The following ASXL3 variants were observed in gnomAD, a reference collection of about 807,000 sequenced individuals.
ASXL3 encodes ASXL transcriptional regulator 3, also known as putative Polycomb group protein ASXL3.
Under a neutral mutation model 170.6 loss-of-function variants are expected in ASXL3, and 34 were observed. The ratio of observed to expected loss-of-function variants is 0.20; its 90% CI spans 0.15 to 0.27. The LOEUF (loss-of-function observed/expected upper bound fraction) is 0.27. Ranked by LOEUF, ASXL3 falls within the 10% of genes least tolerant of loss-of-function variation. ASXL3 has a pLI of 1.00. For synonymous variants in ASXL3, 1,002 were observed against 989.1 expected, an observed-to-expected ratio of 1.01 and a Z score of -0.24; for missense variants, 2,592 against 2,695.3, an observed-to-expected ratio of 0.96 and a Z score of 0.85.
intron 8 of ASXL3, among the ~76,000 whole-genome samples, chr18:33,728,935 A>G (rs568796559): frequency 6.6e-6 from 1 of 152,182 alleles, no homozygotes; most frequent in East Asian, 1.9e-4. Flanking sequence ...TTCCACCATC[A>G]TGGCTTATAT....
rs570766163 is a variant in ASXL3, at chr18:33,666,893, C to A, written c.478-3780C>A. On this transcript the variant is annotated intron_variant, in intron 5 of 11. Coordinates refer to ENST00000269197, the MANE Select transcript of ASXL3 (RefSeq NM_030632.3). Reference sequence around the variant, plus strand: ...TGACCATAATGGCTAGGCTACACGTCGTACAGTGGGACAAGGATGCTGACT... The same window carrying A: ...TGACCATAATGGCTAGGCTACACGTAGTACAGTGGGACAAGGATGCTGACT... 7.6e-4 allele frequency among the ~76,000 whole-genome samples: 116 copies of A among 152,248 alleles called. 1 individual carries two copies. The highest frequency in any genetic ancestry group is 3.4e-3 in the Middle Eastern group (1 of 294).
Position 33,746,673 on chromosome 18 carries a change from C to T in ASXL3, c.*78C>T, listed in dbSNP as rs1378774921. The T allele has an allele frequency of 4.0e-6, 6 of 1,489,778 alleles. No individual in the cohort carries two copies. The highest frequency in any genetic ancestry group is 5.3e-6 in the Non-Finnish European group (6 of 1,126,892). 92.3% of individuals were successfully genotyped at this position (1,489,778 alleles called of 1,614,324 possible). A position where few individuals can be genotyped will look rare whatever the true frequency, so the allele number is the denominator to read the frequency against. ...ATCAGCAACAACAAATAGAATAATG[C>T]AGTGGTTTCTATCATGCTAATTTAT... On this transcript the variant is annotated 3_prime_UTR_variant, in exon 12 of 12. Transcript: ENST00000269197.
intron 2 of ASXL3, among the ~76,000 whole-genome samples, chr18:33,629,052 G>A (rs1178531569): frequency 3.3e-5 from 5 of 152,066 alleles, no homozygotes; most frequent in African/African-American, 7.2e-5. Flanking sequence ...TTATCCTAAC[G>A]TCATGTTGTC....
chr18:33,691,136 G>A (rs147220697), intron 8 of ASXL3, among the ~76,000 whole-genome samples: 2 of 152,286 alleles, frequency 1.3e-5, no homozygotes, highest in African/African-American at 4.8e-5. Context: ...CACAGCAATG[G>A]ATTGAATGGA....
At chr18:33,653,813 T>C (rs2145216359) in intron 4 of ASXL3, among the ~76,000 whole-genome samples, 1 of 152,160 alleles carries the variant, frequency 6.6e-6, no homozygotes, top group African/African-American at 2.4e-5. Context: ...AGAGAATATT[T>C]TTTTCTTTAT....
At chr18:33,652,811 C>G (rs747674261) in intron 4 of ASXL3, among the ~76,000 whole-genome samples, 5 of 151,904 alleles carry the variant, frequency 3.3e-5, no homozygotes, top group Admixed American at 6.6e-5. Flanking sequence ...TTCATTGGCT[C>G]AGAGGCTACA....
In ASXL3 at chr18:33,729,100, C is replaced by T. The variant is rs922200541; in HGVS notation, c.880-2868C>T. Among the ~76,000 whole-genome samples, 50 of 151,692 alleles carry T rather than the reference C, an allele frequency of 3.3e-4. 1 individual carries two copies. Among genetic ancestry groups the T allele is most frequent in the Admixed American group, 1.3e-4 (2 of 15,246 alleles). On this transcript the variant is annotated intron_variant, in intron 8 of 11. Transcript: ENST00000269197. ...TTGGTGTCTGTCTTAGGAACCTCCTCAGCTCTTTCCTCCCGAAACAGGGCC... is the reference window on the plus strand; with the variant it reads ...TTGGTGTCTGTCTTAGGAACCTCCTTAGCTCTTTCCTCCCGAAACAGGGCC...
At chr18:33,598,462 G>T (rs910753247) in intron 1 of ASXL3, among the ~76,000 whole-genome samples, 7 of 152,084 alleles carry the variant, frequency 4.6e-5, no homozygotes, top group African/African-American at 1.7e-4. Flanking sequence ...TCTTAGTTTA[G>T]AAATAAGAAA....
chr18:33,597,651 A>G (rs897976801), intron 1 of ASXL3, among the ~76,000 whole-genome samples: 1 of 152,132 alleles, frequency 6.6e-6, no homozygotes, highest in African/African-American at 2.4e-5. Context: ...ACCATTTGAT[A>G]CAAGGCAGTA....
At chr18:33,601,968 T>G (rs2065188430) in intron 1 of ASXL3, among the ~76,000 whole-genome samples, 1 of 151,468 alleles carries the variant, frequency 6.6e-6, no homozygotes, top group Non-Finnish European at 1.5e-5. Flanking sequence ...TTGTTATTTA[T>G]TTATTTTTAT....
chr18:33,595,210 G>T (rs1037535374), intron 1 of ASXL3, among the ~76,000 whole-genome samples: 1 of 152,078 alleles, frequency 6.6e-6, no homozygotes, highest in East Asian at 1.9e-4. Flanking sequence ...AACTTTGCCC[G>T]TGGACTCCCA....
At position 33,746,658 on chromosome 18, in the gene ASXL3, A is replaced by ACAAATAGAATAATGCAGTGGTTT. The variant is rs2145437581; in HGVS notation, c.*65_*87dup. On this transcript the variant is annotated 3_prime_UTR_variant, in exon 12 of 12. Transcript: ENST00000269197. ...GAAAAGCCAAATAGCATCAGCAACA[A>ACAAATAGAATAATGCAGTGGTTT]CAAATAGAATAATGCAGTGGTTTCT... 6.6e-7 allele frequency: 1 copy of ACAAATAGAATAATGCAGTGGTTT among 1,504,228 alleles called. No individual in the cohort carries two copies. Among genetic ancestry groups the ACAAATAGAATAATGCAGTGGTTT allele is most frequent in the Admixed American group, 2.1e-5 (1 of 46,992 alleles). The allele number at this position is 1,504,228 out of a possible 1,614,324, so 93.2% of individuals were successfully genotyped here. A position where few individuals can be genotyped will look rare whatever the true frequency, so the allele number is the denominator to read the frequency against.
chr18:33,744,224 G>A lies in ASXL3; in HGVS notation c.4376G>A (p.Gly1459Asp). The A allele has an allele frequency of 6.2e-7, 1 of 1,613,882 alleles. No homozygotes were observed. The highest frequency in any genetic ancestry group is 8.5e-7 in the Non-Finnish European group (1 of 1,179,902). Residue 1459 changes from glycine (G) to aspartate (D), a missense_variant, in exon 12 of 12, where the codon GGC becomes GAC. Around this residue, in one of 4 missense-constraint regions of ASXL3, gnomAD observed 2,246 missense variants for 2,219.6 expected, o/e 1.01. Transcript: ENST00000269197. ...GGAAAACCTCAGCAACCACCAGGGG[G>A]CTTTGCACCAGCAGCCATAAACCGA... ...NSGKPQQPPG[G>D]FAPAAINRSI...
At chr18:33,709,829 A>T (rs575909421) in intron 8 of ASXL3, among the ~76,000 whole-genome samples, 1 of 152,232 alleles carries the variant, frequency 6.6e-6, no homozygotes, top group African/African-American at 2.4e-5. Context: ...TGGCTCTGCA[A>T]TGAACAGTCT....
Position 33,750,173 on chromosome 18 carries a change from T to C in ASXL3, c.*3578T>C, listed in dbSNP as rs1409591167. On this transcript the variant is annotated 3_prime_UTR_variant, in exon 12 of 12. Coordinates refer to ENST00000269197, the MANE Select transcript of ASXL3 (RefSeq NM_030632.3). Reference sequence around the variant, plus strand: ...GTCCATCTGCGTTCCCAGAGAACAATTGTGAAGAGTCCTAGAACAGGAACT... The same window carrying C: ...GTCCATCTGCGTTCCCAGAGAACAACTGTGAAGAGTCCTAGAACAGGAACT... 2.0e-5 allele frequency: 3 copies of C among 152,168 alleles called. No individual in the cohort carries two copies. The highest frequency in any genetic ancestry group is 7.2e-5 in the African/African-American group (3 of 41,442). The allele number at this position is 152,168 out of a possible 1,614,324, so 9.4% of individuals were successfully genotyped here.
At chr18:33,661,488 T>C in intron 4 of ASXL3, 128 bp from the exon 5 acceptor site, 1 of 802,480 alleles carries the variant, frequency 1.2e-6, no homozygotes, top group South Asian at 1.9e-5. Context: ...TACTATTCTT[T>C]TTACTGTGCT....
intron 7 of ASXL3, among the ~76,000 whole-genome samples, chr18:33,681,193 C>A (rs2066508266): frequency 6.6e-6 from 1 of 151,988 alleles, no homozygotes; most frequent in African/African-American, 2.4e-5. Context: ...TATTTTATTT[C>A]CACTTTGTTT....
intron 8 of ASXL3, among the ~76,000 whole-genome samples, chr18:33,709,301 CAA>C (rs71159840): frequency 3.3e-5 from 4 of 120,232 alleles, no homozygotes; most frequent in East Asian, 2.4e-4. Context: ...ATATGTTTAC[CAA>C]AAAAAAAAAA....
chr18:33,611,560 A>G (rs1277745152), intron 2 of ASXL3, among the ~76,000 whole-genome samples: 1 of 152,108 alleles, frequency 6.6e-6, no homozygotes, highest in Non-Finnish European at 1.5e-5. Context: ...GATTGGAATC[A>G]TATAATCAAA....
Sources: gnomAD v4.1 joint callset for allele counts (sites outside exome capture counted in the v4.1 genomes callset) on GRCh38, gnomAD v4.1.1 for gene constraint, gnomAD v4.1.1 regional missense constraint, MANE v1.5 for transcripts, NCBI Gene and HGNC (gene_info 2026-07-23, HGNC 2026-07-21) for gene names.